Variants in CACNG1 observed in about 807,000 individuals in gnomAD.
CACNG1 encodes the protein voltage-dependent calcium channel gamma-1 subunit.
In CACNG1, 21 loss-of-function variants were observed where a neutral mutation model predicts 22.0. The observed-to-expected ratio is 0.95, with a 90% CI of 0.68 to 1.37. The LOEUF is 1.37. Among genes scored for constraint, CACNG1 ranks in the 40% most tolerant of loss-of-function variants. The pLI is 0.00. For synonymous variants in CACNG1, 127 were observed against 129.2 expected (o/e 0.98, Z 0.12); for missense variants, 291 against 308.6 (o/e 0.94, Z 0.43).
chr17:67,051,599 C>A (rs1302084473), intron 1 of CACNG1, among the ~76,000 whole-genome samples: 2 of 152,156 alleles, frequency 1.3e-5, no homozygotes, highest in African/African-American at 4.8e-5. Context: ...CACTGGAGGC[C>A]CCCTCCCTCC....
chr17:67,048,435 C>G (rs2035710289), intron 1 of CACNG1, among the ~76,000 whole-genome samples: 1 of 151,986 alleles, frequency 6.6e-6, no homozygotes, highest in Non-Finnish European at 1.5e-5. Flanking sequence ...TTAGAGACTA[C>G]AGTGAACTAT....
At position 67,051,589 on chromosome 17, in the gene CACNG1, C is replaced by T. The variant is rs182724217; in HGVS notation, c.230-2407C>T. On this transcript the variant is annotated intron_variant, in intron 1 of 3. Coordinates refer to ENST00000226021, the MANE Select transcript of CACNG1 (RefSeq NM_000727.4). ...TGTTACCCTGAGAAGGAATCCTACC[C>T]ACTGGAGGCCCCCTCCCTCCATTTG... 2.5e-3 allele frequency among the ~76,000 whole-genome samples: 377 copies of T among 152,328 alleles called. 3 individuals carry two copies. The highest frequency in any genetic ancestry group is 8.7e-3 in the African/African-American group (360 of 41,576).
chr17:67,055,247 T>A lies in CACNG1; in HGVS notation c.442+7T>A, dbSNP rs1194695568. On this transcript the variant is annotated splice_region_variant and intron_variant, in intron 3 of 3. Transcript: ENST00000226021. This position sits in a 1 kb window ranked among gnomAD's most constrained non-coding sequence, Gnocchi z 4.5. ...ATGTTCTATGCCTTTGCAGGTAGACTGGGGGATCTGCCTGAGCGCCGGGGC... is the reference window on the plus strand; with the variant it reads ...ATGTTCTATGCCTTTGCAGGTAGACAGGGGGATCTGCCTGAGCGCCGGGGC... The A allele has an allele frequency of 6.2e-7, 1 of 1,609,896 alleles. No individual in the cohort carries two copies. Among genetic ancestry groups the A allele is most frequent in the Non-Finnish European group, 8.5e-7 (1 of 1,176,808 alleles).
chr17:67,049,370 T>G (rs965746715), intron 1 of CACNG1, among the ~76,000 whole-genome samples: 1 of 152,176 alleles, frequency 6.6e-6, no homozygotes, highest in African/African-American at 2.4e-5. Flanking sequence ...AGTTGAGATA[T>G]TTGACAAGGT....
chr17:67,055,960 C>A lies in CACNG1; in HGVS notation c.443-85C>A. The A allele has an allele frequency of 8.9e-7, 1 of 1,120,138 alleles. No individual in the cohort carries two copies. The highest frequency in any genetic ancestry group is 1.3e-6 in the Non-Finnish European group (1 of 761,858). 69.4% of individuals were successfully genotyped at this position (1,120,138 alleles called of 1,614,324 possible). ...TTTTCCCCCAAGGCAAGGTCACCGC[C>A]TCCTCCATGCACACAGGCTGGGATG... On this transcript the variant is annotated intron_variant, in intron 3 of 3. Coordinates refer to ENST00000226021, the MANE Select transcript of CACNG1 (RefSeq NM_000727.4). This position sits in a 1 kb window ranked among gnomAD's most constrained non-coding sequence, Gnocchi z 4.5.
At position 67,056,078 on chromosome 17, in the gene CACNG1, G is replaced by C. The variant is rs989368247; in HGVS notation, c.476G>C (p.Arg159Pro). The change falls in exon 4 of 4, where the codon CGG becomes CCG. Residue 159 changes from arginine (R) to proline (P), a missense_variant. Arg to Pro is a moderately radical substitution (Grantham distance 103). Transcript: ENST00000226021. The surrounding 1 kb of genome is among the most constrained non-coding windows in gnomAD (Gnocchi z 4.3). ...LCILVSVEVM[R>P]QSVKRMIDSE... ...ATCCTCGTCTCGGTGGAGGTCATGC[G>C]GCAGTCGGTGAAGCGCATGATTGAC... 3.1e-6 allele frequency: 5 copies of C among 1,611,624 alleles called. No homozygotes were observed. The highest frequency in any genetic ancestry group is 2.2e-5 in the South Asian group (2 of 90,960).
intron 1 of CACNG1, among the ~76,000 whole-genome samples, chr17:67,050,878 A>C (rs866154368): frequency 6.6e-6 from 1 of 152,220 alleles, no homozygotes; most frequent in Non-Finnish European, 1.5e-5. Context: ...GCTGAGTCTT[A>C]CAGAAATAAG....
At position 67,054,659 on chromosome 17, in the gene CACNG1, ACAC is replaced by A. The variant is rs1400285174; in HGVS notation, c.305-443_305-441del. 2.0e-5 allele frequency among the ~76,000 whole-genome samples: 3 copies of A among 151,590 alleles called. No individual in the cohort carries two copies. Among genetic ancestry groups the A allele is most frequent in the Non-Finnish European group, 2.9e-5 (2 of 67,916 alleles). On this transcript the variant is annotated intron_variant, in intron 2 of 3. Transcript: ENST00000226021. This position sits in a 1 kb window ranked among gnomAD's most constrained non-coding sequence, Gnocchi z 4.6. Reference sequence around the variant, plus strand: ...CAACACAGATACACACACACGACACACACAAGACACAGACGCACAGAGACACTG... The same window carrying A: ...CAACACAGATACACACACACGACACAAAGACACAGACGCACAGAGACACTG...
chr17:67,054,038 G>C lies in CACNG1; in HGVS notation c.272G>C (p.Ser91Thr). 6.2e-7 allele frequency: 1 copy of C among 1,614,182 alleles called. No homozygotes were observed. The highest frequency in any genetic ancestry group is 8.5e-7 in the Non-Finnish European group (1 of 1,180,010). ...TTCAGGCATTTTAACCCCGGCGAGA[G>C]CTCGGAGATCTTCGAATTCACCACT... The part of the protein sequence containing the change: ...SYFRHFNPGE[S>T]SEIFEFTTQK... The change falls in exon 2 of 4, where the codon AGC (serine) becomes ACC (threonine). Residue 91 changes from serine to threonine, a missense_variant. Coordinates refer to ENST00000226021, the MANE Select transcript of CACNG1 (RefSeq NM_000727.4). The surrounding 1 kb of genome is among the most constrained non-coding windows in gnomAD (Gnocchi z 4.6).
rs144606776 is a variant in CACNG1 at position 67,056,129 on chromosome 17, A to G, written c.527A>G (p.Tyr176Cys). 3.7e-6 allele frequency: 6 copies of G among 1,613,394 alleles called. No individual in the cohort carries two copies. In the East Asian group the frequency reaches 6.7e-5, roughly 18 times the overall value. The change falls in exon 4 of 4, where the codon TAC becomes TGC. Residue 176 changes from tyrosine (Y) to cysteine (C), a missense_variant. Tyr to Cys is a radical substitution (Grantham distance 194, BLOSUM62 -2). Transcript: ENST00000226021. This position sits in a 1 kb window ranked among gnomAD's most constrained non-coding sequence, Gnocchi z 4.3. Reference sequence around the variant, plus strand: ...AGTGAGGACACCGTCTGGATCGAGTACTATTACTCCTGGTCCTTTGCCTGC... The same window carrying G: ...AGTGAGGACACCGTCTGGATCGAGTGCTATTACTCCTGGTCCTTTGCCTGC... Reference protein sequence around the residue: ...IDSEDTVWIEYYYSWSFACAC... With the variant: ...IDSEDTVWIECYYSWSFACAC...
At chr17:67,050,471 A>C (rs1253828190) in intron 1 of CACNG1, among the ~76,000 whole-genome samples, 1 of 152,224 alleles carries the variant, frequency 6.6e-6, no homozygotes, top group Non-Finnish European at 1.5e-5. Flanking sequence ...TAAAAACAAC[A>C]CTGACATCAA....
chr17:67,055,046 G>A lies in CACNG1; in HGVS notation c.305-57G>A. The A allele has an allele frequency of 6.4e-7, 1 of 1,571,544 alleles. No homozygotes were observed. Among genetic ancestry groups the A allele is most frequent in the East Asian group, 2.3e-5 (1 of 44,326 alleles). On this transcript the variant is annotated intron_variant, in intron 2 of 3. Transcript: ENST00000226021. This position sits in a 1 kb window ranked among gnomAD's most constrained non-coding sequence, Gnocchi z 4.5. The stretch of plus-strand genomic sequence containing the variant: ...TGGTGCATGGTGTGGTCCCTAACGA[G>A]CCATGACAAGAGCTCCCATGCTGAG...
chr17:67,054,397 C>T lies in CACNG1; in HGVS notation c.304+327C>T, dbSNP rs1290794149. Among the ~76,000 whole-genome samples, 3 of 152,178 alleles carry T rather than the reference C, an allele frequency of 2.0e-5. No individual in the cohort carries two copies. The highest frequency in any genetic ancestry group is 3.8e-4 in the East Asian group (2 of 5,198). Reference sequence around the variant, plus strand: ...AATGCTCAGAAGCCCCGTGGTGGCTCTTGGTGGCATGTGATAGTTAGAGTC... The same window carrying T: ...AATGCTCAGAAGCCCCGTGGTGGCTTTTGGTGGCATGTGATAGTTAGAGTC... On this transcript the variant is annotated intron_variant, in intron 2 of 3. Transcript: ENST00000226021. This position sits in a 1 kb window ranked among gnomAD's most constrained non-coding sequence, Gnocchi z 4.6.
chr17:67,055,191 G>C lies in CACNG1; in HGVS notation c.393G>C (p.Lys131Asn). The C allele has an allele frequency of 6.2e-7, 1 of 1,614,170 alleles. No homozygotes were observed. The highest frequency in any genetic ancestry group is 8.5e-7 in the Non-Finnish European group (1 of 1,179,964). The change falls in exon 3 of 4, where the codon AAG (lysine) becomes AAC (asparagine). Residue 131 changes from lysine (K) to asparagine (N), a missense_variant. Lys to Asn is a moderately conservative substitution (Grantham distance 94). Transcript: ENST00000226021. This position sits in a 1 kb window ranked among gnomAD's most constrained non-coding sequence, Gnocchi z 4.5. ...GSLCVLLSLG[K>N]KRDYLLRPAS... ...TCTGTGTCCTCCTGTCCCTCGGGAA[G>C]AAGAGGGACTATCTGCTGCGACCCG...
intron 1 of CACNG1, among the ~76,000 whole-genome samples, chr17:67,052,893 G>A (rs1164352172): frequency 1.3e-5 from 2 of 151,912 alleles, no homozygotes; most frequent in African/African-American, 4.8e-5. Context: ...TCCTGCCTCA[G>A]CCTTCTAAAG....
chr17:67,048,771 C>T (rs1023505886), intron 1 of CACNG1, among the ~76,000 whole-genome samples: 7 of 152,060 alleles, frequency 4.6e-5, no homozygotes, highest in African/African-American at 1.4e-4. Context: ...TTGAAAAGTA[C>T]AATAACTAAA....
intron 1 of CACNG1, 31 bp from the exon 2 acceptor site, chr17:67,053,965 C>T (rs764631658): frequency 7.6e-6 from 12 of 1,586,738 alleles, no homozygotes. Flanking sequence ...GGTTGCTCCC[C>T]TCAACTCACA....
At chr17:67,052,236 G>A (rs1207231246) in intron 1 of CACNG1, among the ~76,000 whole-genome samples, 2 of 152,152 alleles carry the variant, frequency 1.3e-5, no homozygotes, top group Non-Finnish European at 2.9e-5. Context: ...CAGGTAACGC[G>A]GTTCAAAAGG....
chr17:67,056,291 A>G lies in CACNG1; in HGVS notation c.*20A>G. 1.9e-6 allele frequency: 3 copies of G among 1,588,608 alleles called. No homozygotes were observed. The highest frequency in any genetic ancestry group is 2.6e-6 in the Non-Finnish European group (3 of 1,165,318). ...CACTAACCCTCCTGCGGCCCTAGCG[A>G]CCCTCAGGCTTCTTCCCCAGGAAGC... On this transcript the variant is annotated 3_prime_UTR_variant, in exon 4 of 4. Coordinates refer to ENST00000226021, the MANE Select transcript of CACNG1 (RefSeq NM_000727.4). This position sits in a 1 kb window ranked among gnomAD's most constrained non-coding sequence, Gnocchi z 4.3.
Sources: allele counts gnomAD v4.1 joint callset (sites outside exome capture counted in the v4.1 genomes callset), GRCh38; gene constraint gnomAD v4.1.1; non-coding constraint Gnocchi (gnomAD v3.1); transcripts MANE v1.5; gene names NCBI Gene and HGNC (gene_info 2026-07-23, HGNC 2026-07-21).